The following ELL variants were observed in gnomAD, a reference collection of about 807,000 sequenced individuals.
ELL encodes the protein elongation factor for RNA polymerase II.
In ELL, 18 loss-of-function variants were observed where a neutral mutation model predicts 64.0. The observed-to-expected ratio is 0.28, with a 90% CI of 0.19 to 0.42. ELL has a LOEUF of 0.42. Among genes scored for constraint, ELL ranks in the 10% least tolerant of loss-of-function variants. The pLI is 1.00. For synonymous variants in ELL, 399 were observed against 376.2 expected, an observed-to-expected ratio of 1.06 and a Z score of -0.70; for missense variants, 797 against 870.4, an observed-to-expected ratio of 0.92 and a Z score of 1.06.
At chr19:18,506,029 C>T (rs2144969996) in intron 1 of ELL, among the ~76,000 whole-genome samples, 1 of 152,324 alleles carries the variant, frequency 6.6e-6, no homozygotes, top group South Asian at 2.1e-4. Flanking sequence ...CCATGCTGGC[C>T]CTCAGCCATC....
At chr19:18,510,058 C>T (rs1975984352) in intron 1 of ELL, among the ~76,000 whole-genome samples, 1 of 152,236 alleles carries the variant, frequency 6.6e-6, no homozygotes, top group Admixed American at 6.5e-5. Context: ...CCTTCCTAAC[C>T]CTCACTGCTT....
At chr19:18,479,708 CAAAAA>C (rs60371809) in intron 1 of ELL, among the ~76,000 whole-genome samples, 2 of 72,836 alleles carry the variant, frequency 2.7e-5, no homozygotes, top group Non-Finnish European at 5.3e-5. Flanking sequence ...GACTCCATCT[CAAAAA>C]AAAAAAAAAA....
intron 8 of ELL, among the ~76,000 whole-genome samples, chr19:18,447,680 C>T (rs1974445286): frequency 6.6e-6 from 1 of 152,218 alleles, no homozygotes; most frequent in South Asian, 2.1e-4. Flanking sequence ...GTGCGCGTCG[C>T]CTAAGACCAC....
At chr19:18,457,710 T>C (rs540908041) in intron 6 of ELL, among the ~76,000 whole-genome samples, 5 of 152,354 alleles carry the variant, frequency 3.3e-5, no homozygotes, top group African/African-American at 1.2e-4. Flanking sequence ...CTGCCACTTC[T>C]GACCCTGGGT....
chr19:18,481,400 G>A (rs577326473), intron 1 of ELL, among the ~76,000 whole-genome samples: 1 of 152,224 alleles, frequency 6.6e-6, no homozygotes, highest in East Asian at 1.9e-4. Context: ...CTCTTCACCT[G>A]CTGCAGGCTC....
intron 1 of ELL, among the ~76,000 whole-genome samples, chr19:18,477,849 CT>C (rs1049121961): frequency 5.9e-5 from 9 of 152,194 alleles, no homozygotes; most frequent in African/African-American, 1.9e-4. Flanking sequence ...ATAGAAAAGG[CT>C]TTTTTCTTAT....
intron 1 of ELL, among the ~76,000 whole-genome samples, chr19:18,499,381 C>A (rs1975733116): frequency 6.6e-6 from 1 of 152,196 alleles, no homozygotes; most frequent in South Asian, 2.1e-4. Context: ...TGCAAGGCTG[C>A]TGAAACAACA....
At chr19:18,451,872 A>G (rs1284005326) in intron 6 of ELL, among the ~76,000 whole-genome samples, 1 of 152,188 alleles carries the variant, frequency 6.6e-6, no homozygotes, top group Non-Finnish European at 1.5e-5. Flanking sequence ...CTGAGCCCAG[A>G]GGAGGATCAC....
At chr19:18,455,171 A>G (rs539529112) in intron 6 of ELL, among the ~76,000 whole-genome samples, 1 of 151,436 alleles carries the variant, frequency 6.6e-6, no homozygotes, top group Admixed American at 6.6e-5. Flanking sequence ...GAAAGAAAGA[A>G]AAAGACATCC....
Position 18,450,779 on chromosome 19 carries a change from A to G in ELL, c.1163T>C (p.Leu388Pro), listed in dbSNP as rs763075757. Reference protein sequence around the residue: ...LSSSTHLPPRLEPPRAHDPLA... With the variant: ...LSSSTHLPPRPEPPRAHDPLA... The stretch of plus-strand genomic sequence containing the variant: ...GGGGTCGTGGGCCCTCGGGGGCTCC[A>G]GCCGCGGGGGCAGGTGAGTGCTGGA... Residue 388 changes from leucine (L) to proline (P), a missense_variant, in exon 8 of 12, where the codon CTG becomes CCG. Coordinates refer to ENST00000262809, the MANE Select transcript of ELL (RefSeq NM_006532.4). The G allele has an allele frequency of 1.0e-5, 16 of 1,579,292 alleles. No homozygotes were observed. Among genetic ancestry groups the G allele is most frequent in the African/African-American group, 1.3e-5 (1 of 74,346 alleles).
rs1974926879 is a variant in ELL at position 18,465,933 on chromosome 19, AG to A, written c.184-16del. The A allele has an allele frequency of 7.8e-7, 1 of 1,290,170 alleles. No individual in the cohort carries two copies. The highest frequency in any genetic ancestry group is 9.9e-7 in the Non-Finnish European group (1 of 1,012,230). 79.9% of individuals were successfully genotyped at this position (1,290,170 alleles called of 1,614,324 possible). A position where few individuals can be genotyped will look rare whatever the true frequency, so the allele number is the denominator to read the frequency against. On this transcript the variant is annotated splice_polypyrimidine_tract_variant and intron_variant, in intron 2 of 11. Transcript: ENST00000262809. ...ATGGAGATGTGCTGCGTGGAGGGGG[AG>A]GGGGTGTCACTGGGAGGTCCTCGGC... is the stretch of plus-strand genomic sequence containing the variant.
In ELL at chr19:18,443,691, C is replaced by G; in HGVS notation, c.*1061G>C. On this transcript the variant is annotated 3_prime_UTR_variant, in exon 12 of 12. Transcript: ENST00000262809. ...TGGGGTGTCTGCAGAGCCTGCACCC[C>G]CAGAGCAGGCAGACCCATCCTCCTG... 1 of 233,286 alleles carries G rather than the reference C, an allele frequency of 4.3e-6. No homozygotes were observed. Among genetic ancestry groups the G allele is most frequent in the Admixed American group, 5.6e-5 (1 of 17,790 alleles). 14.5% of individuals were successfully genotyped at this position (233,286 alleles called of 1,614,324 possible).
chr19:18,448,394 C>T (rs1486729184), intron 8 of ELL: 1 of 152,236 alleles, frequency 6.6e-6, no homozygotes, highest in Non-Finnish European at 1.5e-5. Flanking sequence ...GCTCACTCCC[C>T]ACAAAGTTTC....
intron 1 of ELL, among the ~76,000 whole-genome samples, chr19:18,497,494 T>C (rs934268633): frequency 5.3e-5 from 8 of 151,848 alleles, no homozygotes; most frequent in African/African-American, 1.9e-4. Flanking sequence ...GCACCAAGAG[T>C]GTGTCCCAGT....
intron 1 of ELL, among the ~76,000 whole-genome samples, chr19:18,514,384 G>A (rs774128789): frequency 1.3e-5 from 2 of 151,736 alleles, no homozygotes; most frequent in Non-Finnish European, 2.9e-5. Context: ...TGTGGTGACG[G>A]GCGCCTGTAG....
intron 1 of ELL, among the ~76,000 whole-genome samples, chr19:18,505,547 A>T (rs1975865183): frequency 6.6e-6 from 1 of 152,210 alleles, no homozygotes; most frequent in South Asian, 2.1e-4. Context: ...AACAGCCCTC[A>T]GTAACGCAGG....
intron 4 of ELL, among the ~76,000 whole-genome samples, chr19:18,464,608 G>T (rs942121743): frequency 6.6e-6 from 1 of 152,086 alleles, no homozygotes; most frequent in African/African-American, 2.4e-5. Flanking sequence ...TGCTTTCTTC[G>T]GAAGGAGGAG....
intron 6 of ELL, 28 bp from the exon 7 acceptor site, chr19:18,451,676 G>A (rs1021093834): frequency 1.2e-4 from 182 of 1,477,154 alleles, no homozygotes; most frequent in Non-Finnish European, 1.6e-4. Context: ...GGCTAGGTCA[G>A]AAGGTGCTGA....
chr19:18,499,855 C>A (rs554413240), intron 1 of ELL, among the ~76,000 whole-genome samples: 2 of 152,212 alleles, frequency 1.3e-5, no homozygotes, highest in South Asian at 2.1e-4. Flanking sequence ...GGAGGAAGAG[C>A]GGGGCCGAGG....
Sources: gnomAD v4.1 joint callset for allele counts (sites outside exome capture counted in the v4.1 genomes callset) on GRCh38, gnomAD v4.1.1 for gene constraint, MANE v1.5 for transcripts, NCBI Gene and HGNC (gene_info 2026-07-23, HGNC 2026-07-21) for gene names.